The following NSD1 variants were observed in gnomAD, a reference collection of about 807,000 sequenced individuals.
NSD1 encodes histone-lysine N-methyltransferase, H3 lysine-36 specific.
In NSD1, 26 loss-of-function variants were observed where a neutral mutation model predicts 242.7. The observed-to-expected ratio is 0.11, with a 90% CI of 0.08 to 0.15. The LOEUF is 0.15. Among genes scored for constraint, NSD1 ranks in the 10% least tolerant of loss-of-function variants. The probability of loss-of-function intolerance (pLI) is 1.00; values close to 1 mark genes in which losing one functional copy is unlikely to be tolerated. For synonymous variants in NSD1, 1,106 were observed against 1,178.1 expected, an observed-to-expected ratio of 0.94 and a Z score of 1.25; for missense variants, 2,495 against 3,272.8, an observed-to-expected ratio of 0.76 and a Z score of 5.80.
intron 2 of NSD1, among the ~76,000 whole-genome samples, chr5:177,172,798 A>AT (rs1020707466): frequency 3.3e-5 from 5 of 151,616 alleles, no homozygotes; most frequent in African/African-American, 4.8e-5. Context: ...GTCTCTAAAA[A>AT]TTTTTTTTAA....
chr5:177,229,010 T>G (rs1236938485), intron 5 of NSD1, among the ~76,000 whole-genome samples: 4 of 152,216 alleles, frequency 2.6e-5, no homozygotes, highest in Non-Finnish European at 5.9e-5. Flanking sequence ...CCTGGACATT[T>G]AATATTAATG....
intron 2 of NSD1, among the ~76,000 whole-genome samples, chr5:177,157,824 A>G (rs751927677): frequency 1.3e-5 from 2 of 152,148 alleles, no homozygotes; most frequent in Non-Finnish European, 2.9e-5. Flanking sequence ...GTATTTGCCT[A>G]TTCTAGGCGT....
chr5:177,252,918 A>T (rs1477358814), intron 12 of NSD1, among the ~76,000 whole-genome samples: 1 of 151,550 alleles, frequency 6.6e-6, no homozygotes, highest in South Asian at 2.1e-4. Context: ...TCTGGATGAT[A>T]CTTCCCAAAG....
chr5:177,237,757 T>A (rs1396059044), intron 6 of NSD1, among the ~76,000 whole-genome samples: 1 of 152,018 alleles, frequency 6.6e-6, no homozygotes, highest in African/African-American at 2.4e-5. Context: ...ATGGTCTTGA[T>A]CTCCTGACCT....
chr5:177,274,082 AG>A (rs1475160144), intron 17 of NSD1, among the ~76,000 whole-genome samples: 2 of 151,944 alleles, frequency 1.3e-5, no homozygotes, highest in Admixed American at 1.3e-4. Flanking sequence ...TGAACCCGGG[AG>A]GCAGAGGTTG....
At chr5:177,133,393 G>A (rs866147484), upstream of NSD1, among the ~76,000 whole-genome samples, 41 of 152,166 alleles carry the variant, frequency 2.7e-4, no homozygotes, top group African/African-American at 4.6e-4. The surrounding 1 kb of genome is among the most constrained non-coding windows in gnomAD (Gnocchi z 6.2). Context: ...GGCCAGCGCC[G>A]TGCCCCGAGG....
At position 177,244,197 on chromosome 5, in the gene NSD1, C is replaced by T. The variant is rs1430204022; in HGVS notation, c.4305C>T (p.Cys1435=). 1 of 1,609,148 alleles carries T rather than the reference C, an allele frequency of 6.2e-7. No homozygotes were observed. Among genetic ancestry groups the T allele is most frequent in the South Asian group, 1.1e-5 (1 of 90,886 alleles). ...KKGDLGLSKK[C]YEAGHLENGI... Reference sequence around the variant, plus strand: ...GTGTTGTTTTCACTTATTTATAGTGCTATGAAGCTGGTCACCTGGAGAATG... The same window carrying T: ...GTGTTGTTTTCACTTATTTATAGTGTTATGAAGCTGGTCACCTGGAGAATG... Residue 1435 remains cysteine (C), a splice_region_variant and synonymous_variant, in exon 9 of 23, where the codon TGC becomes TGT. Transcript: ENST00000439151.
chr5:177,212,095 A>G lies in NSD1; in HGVS notation c.3696A>G (p.Pro1232=), dbSNP rs749348157. 8.7e-6 allele frequency: 14 copies of G among 1,614,144 alleles called. No individual in the cohort carries two copies. Among genetic ancestry groups the G allele is most frequent in the Non-Finnish European group, 1.1e-5 (13 of 1,180,032 alleles). The change falls in exon 5 of 23, where the codon CCA becomes CCG. Residue 1232 remains proline, a synonymous_variant. Transcript: ENST00000439151. The part of the protein sequence containing the change: ...NHADCLDSAG[P]RLNVCDKSSA... ...CTGACTGCTTAGATTCAGCTGGGCC[A>G]CGGTTAAATGTTTGTGATAAATCCA...
chr5:177,166,676 A>C (rs1759229253), intron 2 of NSD1, among the ~76,000 whole-genome samples: 1 of 151,202 alleles, frequency 6.6e-6, no homozygotes, highest in Non-Finnish European at 1.5e-5. Flanking sequence ...CCTTATCCCT[A>C]AATTTTCTTA....
In NSD1 at chr5:177,298,752, T is replaced by C; in HGVS notation, c.*3293T>C. The stretch of plus-strand genomic sequence containing the variant: ...CCGGACTCCCAGGTTGTAATTCTAA[T>C]GTTGCCTCATGAGAACAGAATGGCA... On this transcript the variant is annotated 3_prime_UTR_variant, in exon 23 of 23. Transcript: ENST00000439151. The C allele has an allele frequency of 4.3e-6, 1 of 233,334 alleles. No homozygotes were observed. The highest frequency in any genetic ancestry group is 8.5e-6 in the Non-Finnish European group (1 of 118,058). 14.5% of individuals were successfully genotyped at this position (233,334 alleles called of 1,614,324 possible).
chr5:177,260,742 A>G (rs1756934655), intron 14 of NSD1, among the ~76,000 whole-genome samples: 1 of 152,116 alleles, frequency 6.6e-6, no homozygotes, highest in South Asian at 2.1e-4. Context: ...TAAAATGATA[A>G]ACAATTGAAG....
intron 5 of NSD1, among the ~76,000 whole-genome samples, chr5:177,228,337 T>C (rs1028210115): frequency 1.3e-5 from 2 of 151,312 alleles, no homozygotes; most frequent in Non-Finnish European, 3.0e-5. Flanking sequence ...TCTTGACTTA[T>C]GAGCTATTAG....
intron 2 of NSD1, among the ~76,000 whole-genome samples, chr5:177,169,911 A>C (rs763077766): frequency 6.6e-5 from 10 of 151,814 alleles, no homozygotes; most frequent in Non-Finnish European, 1.3e-4. Flanking sequence ...TTAGATTTTT[A>C]AAATGTTTTT....
At chr5:177,263,627 C>T (rs765121050) in intron 14 of NSD1, among the ~76,000 whole-genome samples, 4 of 152,176 alleles carry the variant, frequency 2.6e-5, no homozygotes, top group Non-Finnish European at 4.4e-5. Context: ...GGGAAGTACA[C>T]GTAAAGCAGT....
intron 14 of NSD1, chr5:177,265,692 T>A: frequency 6.2e-7 from 1 of 1,609,670 alleles, no homozygotes; most frequent in Non-Finnish European, 8.5e-7. Flanking sequence ...GTGCCGAAGA[T>A]CTCCTCGCCC....
chr5:177,280,922 A>G, intron 18 of NSD1, 88 bp downstream of exon 18: 1 of 1,398,058 alleles, frequency 7.2e-7, no homozygotes, highest in South Asian at 1.2e-5. Context: ...TTCATCATAG[A>G]AGAAAATAAC....
chr5:177,239,426 T>G (rs1765688659), intron 7 of NSD1, among the ~76,000 whole-genome samples: 1 of 152,190 alleles, frequency 6.6e-6, no homozygotes, highest in Non-Finnish European at 1.5e-5. Flanking sequence ...CCAAGTTCTA[T>G]TTCACTCCAC....
chr5:177,295,542 A>G lies in NSD1; in HGVS notation c.*83A>G. The G allele has an allele frequency of 7.6e-7, 1 of 1,314,560 alleles. No homozygotes were observed. Among genetic ancestry groups the G allele is most frequent in the Non-Finnish European group, 1.1e-6 (1 of 933,184 alleles). The allele number at this position is 1,314,560 out of a possible 1,614,324, so 81.4% of individuals were successfully genotyped here. ...GAAATCTTTTCTTTCTTTCCCCCTT[A>G]AAAAAAAACACATCTGCCCCGAACA... is the stretch of plus-strand genomic sequence containing the variant. On this transcript the variant is annotated 3_prime_UTR_variant, in exon 23 of 23. Coordinates refer to ENST00000439151, the MANE Select transcript of NSD1 (RefSeq NM_022455.5). This position sits in a 1 kb window ranked among gnomAD's most constrained non-coding sequence, Gnocchi z 4.3.
intron 14 of NSD1, among the ~76,000 whole-genome samples, chr5:177,260,972 C>T (rs576028987): frequency 1.5e-4 from 23 of 152,136 alleles, no homozygotes; most frequent in African/African-American, 5.3e-4. Context: ...ATGGAAAAAG[C>T]GAAGGGATTT....
Sources: gnomAD v4.1 joint callset for allele counts (sites outside exome capture counted in the v4.1 genomes callset) on GRCh38, gnomAD v4.1.1 for gene constraint, Gnocchi (gnomAD v3.1) non-coding constraint, MANE v1.5 for transcripts, NCBI Gene and HGNC (gene_info 2026-07-23, HGNC 2026-07-21) for gene names.